Variants in ADD3 observed in about 807,000 individuals in gnomAD.
ADD3 encodes the protein gamma-adducin.
A neutral mutation model predicts 80.2 loss-of-function variants in ADD3; 25 were observed. The observed-to-expected ratio is 0.31, with a 90% confidence interval of 0.23 to 0.44. The LOEUF is 0.44. ADD3 is among the 20% of genes least tolerant of loss of function. The pLI is 1.00. For missense variants in ADD3, 829 were observed against 847.5 expected (o/e 0.98, Z 0.27); for synonymous variants, 284 against 289.6 (o/e 0.98, Z 0.20).
chr10:110,127,234 G>A (rs1372554985), intron 12 of ADD3, among the ~76,000 whole-genome samples: 1 of 152,126 alleles, frequency 6.6e-6, no homozygotes, highest in African/African-American at 2.4e-5. Context: ...TCTTACATAA[G>A]TCACCCCTCC....
chr10:110,084,347 A>T (rs531949300), intron 1 of ADD3, among the ~76,000 whole-genome samples: 155 of 152,256 alleles, frequency 1.0e-3, no homozygotes, highest in Non-Finnish European at 1.1e-3. Flanking sequence ...TTGTAACATG[A>T]GGCATTACCT....
chr10:110,055,132 T>C (rs1222604611), intron 1 of ADD3, among the ~76,000 whole-genome samples: 1 of 152,214 alleles, frequency 6.6e-6, no homozygotes, highest in East Asian at 1.9e-4. Flanking sequence ...ATTAGCTGTT[T>C]TAATGCTAAA....
chr10:110,039,811 C>G (rs1294890469), intron 1 of ADD3, among the ~76,000 whole-genome samples: 3 of 152,160 alleles, frequency 2.0e-5, no homozygotes, highest in Non-Finnish European at 4.4e-5. Flanking sequence ...CCTCTAACTT[C>G]GCTCTTGGTT....
chr10:110,094,608 A>G lies in ADD3; in HGVS notation c.-29-6017A>G, dbSNP rs138317287. Among the ~76,000 whole-genome samples, 306 of 152,186 alleles carry G rather than the reference A, an allele frequency of 2.0e-3. 1 individual carries two copies. Among genetic ancestry groups the G allele is most frequent in the African/African-American group, 7.0e-3 (289 of 41,526 alleles). On this transcript the variant is annotated intron_variant, in intron 1 of 14. Transcript: ENST00000356080. The stretch of plus-strand genomic sequence containing the variant: ...TTCATTTTTATCTATTTCTGCTTCA[A>G]GTTTTCAGATCTGTCAATTTCCATG...
chr10:110,084,122 T>A (rs1846406123), intron 1 of ADD3, among the ~76,000 whole-genome samples: 1 of 152,170 alleles, frequency 6.6e-6, no homozygotes, highest in South Asian at 2.1e-4. Context: ...AGCAAGCAAT[T>A]TCAGTGGACC....
At chr10:110,046,491 A>G (rs942877374) in intron 1 of ADD3, among the ~76,000 whole-genome samples, 3 of 150,724 alleles carry the variant, frequency 2.0e-5, no homozygotes, top group Non-Finnish European at 2.9e-5. Context: ...GGTCATCTAT[A>G]TGTAATTCTG....
chr10:110,066,593 T>G (rs1726236695), intron 1 of ADD3, among the ~76,000 whole-genome samples: 1 of 152,144 alleles, frequency 6.6e-6, no homozygotes, highest in Non-Finnish European at 1.5e-5. Context: ...TTCTTTTTGG[T>G]CAATCTTTTA....
intron 3 of ADD3, among the ~76,000 whole-genome samples, chr10:110,115,385 G>A (rs779860282): frequency 1.4e-5 from 2 of 146,994 alleles, no homozygotes; most frequent in African/African-American, 5.5e-5. Context: ...GTGAAACTCC[G>A]TCTCAAAAAA....
chr10:110,049,277 C>T (rs1589869870), intron 1 of ADD3, among the ~76,000 whole-genome samples: 1 of 152,146 alleles, frequency 6.6e-6, no homozygotes, highest in Non-Finnish European at 1.5e-5. Flanking sequence ...CATGGAGAAC[C>T]TCTGCTAGAG....
intron 1 of ADD3, among the ~76,000 whole-genome samples, chr10:110,048,686 C>T (rs1857161595): frequency 6.6e-6 from 1 of 152,190 alleles, no homozygotes; most frequent in African/African-American, 2.4e-5. Context: ...CTTAGGGTAT[C>T]TGGCAGAAGA....
Position 110,124,142 on chromosome 10 carries a change from T to A in ADD3, c.1269T>A (p.Ser423=). The change falls in exon 10 of 15, where the codon TCT becomes TCA. Residue 423 remains serine, a synonymous_variant. Transcript: ENST00000356080. ...FSFEDDTVPL[S]PLKYMAQRQQ... ...TTGAAGACGATACAGTGCCACTCTCTCCTCTCAAATACATGGCACAGAGGC... is the reference window on the plus strand; with the variant it reads ...TTGAAGACGATACAGTGCCACTCTCACCTCTCAAATACATGGCACAGAGGC... The A allele has an allele frequency of 6.2e-7, 1 of 1,614,112 alleles. No individual in the cohort carries two copies. Among genetic ancestry groups the A allele is most frequent in the Non-Finnish European group, 8.5e-7 (1 of 1,180,006 alleles).
At chr10:110,002,344 G>A (rs1851502616), upstream of ADD3, among the ~76,000 whole-genome samples, 4 of 152,026 alleles carry the variant, frequency 2.6e-5, no homozygotes, top group South Asian at 6.2e-4. Context: ...CACAATCTTG[G>A]CTCACTGCAA....
intron 1 of ADD3, among the ~76,000 whole-genome samples, chr10:110,025,527 G>A (rs928783988): frequency 6.6e-6 from 1 of 152,002 alleles, no homozygotes; most frequent in African/African-American, 2.4e-5. Context: ...CAGACTTTCT[G>A]TTATATGAGT....
intron 2 of ADD3, among the ~76,000 whole-genome samples, chr10:110,105,467 G>C (rs550191052): frequency 4.2e-4 from 64 of 152,334 alleles, no homozygotes; most frequent in African/African-American, 1.3e-3. Flanking sequence ...ATAGAGAATA[G>C]CTAGGTGGGC....
In ADD3 at chr10:110,103,891, G is replaced by T. The variant is rs183825380; in HGVS notation, c.195+3043G>T. Among the ~76,000 whole-genome samples, 13 of 152,186 alleles carry T rather than the reference G, an allele frequency of 8.5e-5. No homozygotes were observed. In the East Asian group the frequency reaches 2.5e-3, roughly 29 times the overall value. On this transcript the variant is annotated intron_variant, in intron 2 of 14. Transcript: ENST00000356080. ...GGTCACAATTTATTTTAAAGGAACC[G>T]CAGTCTGTCCTTCTGCCACAATTTA... is the stretch of plus-strand genomic sequence containing the variant.
chr10:110,118,883 C>G lies in ADD3; in HGVS notation c.717+147C>G, dbSNP rs1333114584. 6 of 788,820 alleles carry G rather than the reference C, an allele frequency of 7.6e-6. No homozygotes were observed. The Admixed American group carries it at 1.4e-4, about 19-fold the overall frequency. 48.9% of individuals were successfully genotyped at this position (788,820 alleles called of 1,614,324 possible). On this transcript the variant is annotated intron_variant, in intron 6 of 14. Transcript: ENST00000356080. ...CCCAGAAAGCAAAAGGCCTTTGGGA[C>G]CAAATGCTACCATTCTAGGAAACAA...
In ADD3 at chr10:110,124,000, G is replaced by A; in HGVS notation, c.1144-17G>A. 2 of 1,608,586 alleles carry A rather than the reference G, an allele frequency of 1.2e-6. No homozygotes were observed. Among genetic ancestry groups the A allele is most frequent in the Non-Finnish European group, 1.7e-6 (2 of 1,175,910 alleles). On this transcript the variant is annotated splice_polypyrimidine_tract_variant and intron_variant, in intron 9 of 14. Coordinates refer to ENST00000356080, the MANE Select transcript of ADD3 (RefSeq NM_016824.5). The stretch of plus-strand genomic sequence containing the variant: ...ATACAGGTTTGATGCTTCAAATGTG[G>A]CTTTTCCCTCCCTTAGGGGTATAGA...
At chr10:110,100,248 G>A (rs569257944) in intron 1 of ADD3, among the ~76,000 whole-genome samples, 23 of 151,752 alleles carry the variant, frequency 1.5e-4, no homozygotes, top group Non-Finnish European at 3.2e-4. Flanking sequence ...TACTCGGGAG[G>A]CTGAGGCAGG....
intron 1 of ADD3, 148 bp downstream of exon 1, chr10:110,008,447 A>AT (rs1332472674): frequency 6.6e-6 from 1 of 152,634 alleles, no homozygotes; most frequent in African/African-American, 2.4e-5. Context: ...GGGACTTCTC[A>AT]TTGGCTGTCC....
Sources: gnomAD v4.1 joint callset for allele counts (sites outside exome capture counted in the v4.1 genomes callset) on GRCh38, gnomAD v4.1.1 for gene constraint, MANE v1.5 for transcripts, NCBI Gene and HGNC (gene_info 2026-07-23, HGNC 2026-07-21) for gene names.